The following DUSP11 variants were observed in gnomAD, a reference collection of about 807,000 sequenced individuals.
The protein encoded by DUSP11 is dual specificity phosphatase 11, also known as RNA/RNP complex-1-interacting phosphatase.
DUSP11 carries 27 observed loss-of-function variants against 41.4 expected under a neutral mutation model. That is an observed-to-expected ratio of 0.65 (90% CI 0.48 to 0.90). The LOEUF is 0.90. DUSP11 is among the 40% of genes least tolerant of loss of function. The pLI, the probability that DUSP11 is intolerant of heterozygous loss-of-function variation, is 0.00. For synonymous variants in DUSP11, 188 were observed against 159.3 expected, an observed-to-expected ratio of 1.18 and a Z score of -1.35; for missense variants, 465 against 461.1, an observed-to-expected ratio of 1.01 and a Z score of -0.08.
At chr2:73,768,385 A>ACACGCAGCACACTGC in intron 5 of DUSP11, 3 of 928,582 alleles carry the variant, frequency 3.2e-6, no homozygotes, top group Non-Finnish European at 3.9e-6. Flanking sequence ...CTCTTTGCTA[A>ACACGCAGCACACTGC]CACGCAGCAC....
At chr2:73,770,911 C>A (rs1372996579) in intron 4 of DUSP11, among the ~76,000 whole-genome samples, 1 of 152,204 alleles carries the variant, frequency 6.6e-6, no homozygotes, top group Non-Finnish European at 1.5e-5. Context: ...ATTCCTCAAA[C>A]ATGCCTAGCA....
intron 2 of DUSP11, among the ~76,000 whole-genome samples, chr2:73,776,525 C>A (rs536533454): frequency 6.6e-6 from 1 of 152,182 alleles, no homozygotes; most frequent in Admixed American, 6.6e-5. Context: ...CCCAACCCAC[C>A]CAGACTCCCC....
intron 2 of DUSP11, among the ~76,000 whole-genome samples, chr2:73,776,703 G>A (rs888073285): frequency 2.0e-5 from 3 of 152,112 alleles, no homozygotes; most frequent in African/African-American, 4.8e-5. Flanking sequence ...AAAAATGAGA[G>A]AAAGAACTAA....
At chr2:73,764,023 C>A (rs932069805) in intron 8 of DUSP11, among the ~76,000 whole-genome samples, 8 of 152,222 alleles carry the variant, frequency 5.3e-5, no homozygotes, top group African/African-American at 1.9e-4. Flanking sequence ...GGGATTAACA[C>A]TGCAAAACAT....
chr2:73,766,953 T>C (rs1672478086), intron 6 of DUSP11, 50 bp from the exon 7 acceptor site: 1 of 1,525,414 alleles, frequency 6.6e-7, no homozygotes, highest in Non-Finnish European at 9.1e-7. Context: ...AGCAGATCTT[T>C]CCAGAAAAAG....
chr2:73,776,015 T>A (rs1180465655), intron 2 of DUSP11, among the ~76,000 whole-genome samples: 6 of 152,158 alleles, frequency 3.9e-5, no homozygotes, highest in Non-Finnish European at 8.8e-5. Flanking sequence ...AAGGATGGCT[T>A]TCATTGCTGA....
chr2:73,763,700 G>C (rs1284332295), intron 8 of DUSP11, among the ~76,000 whole-genome samples: 2 of 151,968 alleles, frequency 1.3e-5, no homozygotes, highest in Non-Finnish European at 2.9e-5. Flanking sequence ...TCCAGCCCGG[G>C]CAACAAGAGC....
At chr2:73,769,138 G>T in intron 5 of DUSP11, 127 bp downstream of exon 5, 1 of 692,128 alleles carries the variant, frequency 1.4e-6, no homozygotes, top group Non-Finnish European at 2.5e-6. Context: ...TAATCTCTGG[G>T]TGGGGAGCAA....
chr2:73,766,002 A>C (rs1346568947), intron 8 of DUSP11, among the ~76,000 whole-genome samples: 1 of 152,188 alleles, frequency 6.6e-6, no homozygotes, highest in Non-Finnish European at 1.5e-5. Context: ...CTCCTGGTTC[A>C]AACTGAACAG....
intron 3 of DUSP11, 67 bp downstream of exon 3, chr2:73,774,846 T>C (rs1672649332): frequency 5.2e-6 from 7 of 1,340,494 alleles, no homozygotes; most frequent in South Asian, 1.8e-5. Flanking sequence ...AGATGATTAC[T>C]GAATTACTAT....
intron 2 of DUSP11, among the ~76,000 whole-genome samples, chr2:73,777,572 T>G (rs1672709883): frequency 6.6e-6 from 1 of 152,196 alleles, no homozygotes; most frequent in Admixed American, 6.5e-5. Context: ...TTTTCCCCAC[T>G]GAAATCCTGA....
chr2:73,779,956 G>T (rs539543674), exon 1 of DUSP11: 22 of 1,614,136 alleles, frequency 1.4e-5, no homozygotes, highest in Non-Finnish European at 1.9e-5. Context: ...CCACTGCGGG[G>T]ATGATGCCAC....
At chr2:73,764,487 T>G (rs1296813275) in intron 8 of DUSP11, among the ~76,000 whole-genome samples, 1 of 152,182 alleles carries the variant, frequency 6.6e-6, no homozygotes, top group African/African-American at 2.4e-5. Flanking sequence ...TTTAAATTCA[T>G]GTTAACTGTC....
intron 8 of DUSP11, 95 bp downstream of exon 8, chr2:73,766,323 A>G: frequency 1.7e-6 from 2 of 1,158,720 alleles, no homozygotes; most frequent in Non-Finnish European, 2.4e-6. Flanking sequence ...AAAAAAAAAA[A>G]CGAAGAATTC....
At chr2:73,779,606 G>C in intron 1 of DUSP11, 1 of 543,892 alleles carries the variant, frequency 1.8e-6, no homozygotes, top group Non-Finnish European at 3.3e-6. Context: ...AACAGTAACA[G>C]TCCCACCTTA....
At chr2:73,765,329 G>T (rs1354663247) in intron 8 of DUSP11, among the ~76,000 whole-genome samples, 3 of 152,164 alleles carry the variant, frequency 2.0e-5, no homozygotes, top group Non-Finnish European at 4.4e-5. Flanking sequence ...TGGACTTGAG[G>T]ACTCATACCA....
rs1357781832 is a variant in DUSP11, at chr2:73,766,912, A to C, written c.683-9T>G. ...CCGGCACCTATTGAATACTGAGGAG[A>C]GGATAAACTGTTAGAAATAACTGTA... On this transcript the variant is annotated splice_polypyrimidine_tract_variant and intron_variant, in intron 6 of 8. Transcript: ENST00000272444. 3 of 1,604,494 alleles carry C rather than the reference A, an allele frequency of 1.9e-6. No homozygotes were observed. In the Admixed American group the frequency reaches 5.1e-5, roughly 27 times the overall value.
At chr2:73,779,715 A>G in intron 1 of DUSP11, 159 bp downstream of exon 1, 2 of 1,100,758 alleles carry the variant, frequency 1.8e-6, no homozygotes, top group Non-Finnish European at 2.6e-6. Context: ...CGCCCCTTTC[A>G]GCTACAGCGG....
rs777812114 is a variant in DUSP11 at position 73,766,918 on chromosome 2, A to C, written c.683-15T>G. 2 of 1,599,018 alleles carry C rather than the reference A, an allele frequency of 1.3e-6. No homozygotes were observed. Among genetic ancestry groups the C allele is most frequent in the African/African-American group, 2.7e-5 (2 of 74,582 alleles). On this transcript the variant is annotated splice_polypyrimidine_tract_variant and intron_variant, in intron 6 of 8. Transcript: ENST00000272444. ...CCTATTGAATACTGAGGAGAGGATA[A>C]ACTGTTAGAAATAACTGTACAAAAA...
Sources: gnomAD v4.1 joint callset for allele counts (sites outside exome capture counted in the v4.1 genomes callset) on GRCh38, gnomAD v4.1.1 for gene constraint, MANE v1.5 for transcripts, NCBI Gene and HGNC (gene_info 2026-07-23, HGNC 2026-07-21) for gene names.